The following RIMS1 variants were observed in gnomAD, a reference collection of about 807,000 sequenced individuals.
The protein encoded by RIMS1 is regulating synaptic membrane exocytosis 1.
In RIMS1, 83 loss-of-function variants were observed where a neutral mutation model predicts 214.1. The observed-to-expected ratio is 0.39, with a 90% CI of 0.32 to 0.47. The LOEUF is 0.47. Among genes scored for constraint, RIMS1 ranks in the 20% least tolerant of loss-of-function variants. The pLI, the probability that RIMS1 is intolerant of heterozygous loss-of-function variation, is 0.99. For missense variants in RIMS1, 2,050 were observed against 2,161.8 expected (o/e 0.95, Z 1.03); for synonymous variants, 793 against 786.8 (o/e 1.01, Z -0.13).
At chr6:72,087,571 T>C (rs945679321) in intron 2 of RIMS1, among the ~76,000 whole-genome samples, 1 of 152,188 alleles carries the variant, frequency 6.6e-6, no homozygotes, top group African/African-American at 2.4e-5. Flanking sequence ...AATAAGCAGA[T>C]GTCATCATTC....
At chr6:71,953,683 A>G (rs79410448) in intron 1 of RIMS1, among the ~76,000 whole-genome samples, 195 of 152,296 alleles carry the variant, frequency 1.3e-3, no homozygotes, top group African/African-American at 4.6e-3. Context: ...ATACTTACCT[A>G]TTAGAATAAC....
At chr6:72,216,600 C>T (rs1161182096) in intron 6 of RIMS1, 1 of 985,388 alleles carries the variant, frequency 1.0e-6, no homozygotes, top group Non-Finnish European at 1.2e-6. Flanking sequence ...CTTGGCAGGA[C>T]CATTGCCAGT....
At position 71,992,404 on chromosome 6, in the gene RIMS1, CTCTTTCTTTCTT is replaced by C. The variant is rs70994109; in HGVS notation, c.245+23377_245+23388del. ...TGCTTGCTTCTTTCTTTCTCTCTCTCTCTTTCTTTCTTTCTTTCTTTCTTTCTTTCTTTCTTT... is the reference window on the plus strand; with the variant it reads ...TGCTTGCTTCTTTCTTTCTCTCTCTCTCTTTCTTTCTTTCTTTCTTTCTTT... On this transcript the variant is annotated intron_variant, in intron 2 of 33. Coordinates refer to ENST00000521978, the MANE Select transcript of RIMS1 (RefSeq NM_014989.7). Among the ~76,000 whole-genome samples the C allele has an allele frequency of 3.1e-3, 339 of 110,144 alleles. 1 individual carries two copies. The highest frequency in any genetic ancestry group is 0.01 in the East Asian group (24 of 2,338). 72.3% of individuals were successfully genotyped at this position (110,144 alleles called of 152,430 possible).
At position 72,262,244 on chromosome 6, in the gene RIMS1, GCAT is replaced by G. The variant is rs1288005806; in HGVS notation, c.3116+1481_3116+1483del. 5.0e-6 allele frequency: 4 copies of G among 794,754 alleles called. No individual in the cohort carries two copies. The East Asian group carries it at 5.0e-4, about 100-fold the overall frequency. 49.2% of individuals were successfully genotyped at this position (794,754 alleles called of 1,614,324 possible). On this transcript the variant is annotated intron_variant, in intron 19 of 33. Coordinates refer to ENST00000521978, the MANE Select transcript of RIMS1 (RefSeq NM_014989.7). ...ACTTATATAATATTATATAATAGTT[GCAT>G]CATTTTATATAATCTTATACTTAAG...
intron 6 of RIMS1, among the ~76,000 whole-genome samples, chr6:72,207,926 T>C (rs1422601927): frequency 6.6e-6 from 1 of 152,212 alleles, no homozygotes; most frequent in Non-Finnish European, 1.5e-5. Context: ...ATTAGATCTG[T>C]AAGTATGTGA....
intron 2 of RIMS1, among the ~76,000 whole-genome samples, chr6:72,013,118 T>C (rs1811426838): frequency 6.6e-6 from 1 of 152,194 alleles, no homozygotes; most frequent in African/African-American, 2.4e-5. Context: ...GCACCATAAC[T>C]ATATAAACCT....
chr6:72,213,609 T>C (rs2054369099), intron 6 of RIMS1, among the ~76,000 whole-genome samples: 1 of 152,222 alleles, frequency 6.6e-6, no homozygotes, highest in Admixed American at 6.5e-5. Context: ...CATGCTTTAC[T>C]ATCTCATACA....
chr6:72,385,041 C>T (rs1353578862), intron 29 of RIMS1, among the ~76,000 whole-genome samples: 1 of 152,104 alleles, frequency 6.6e-6, no homozygotes, highest in Non-Finnish European at 1.5e-5. Flanking sequence ...TGCCCCCAGA[C>T]ATTTTGGATT....
chr6:72,098,824 T>A (rs1445267964), intron 3 of RIMS1, among the ~76,000 whole-genome samples: 1 of 152,212 alleles, frequency 6.6e-6, no homozygotes, highest in Non-Finnish European at 1.5e-5. Flanking sequence ...TCTTTTCCTC[T>A]CCTAATAGTG....
chr6:72,183,751 G>A (rs1043491008), intron 6 of RIMS1, among the ~76,000 whole-genome samples: 1 of 151,390 alleles, frequency 6.6e-6, no homozygotes, highest in African/African-American at 2.4e-5. Context: ...TGGACGAACC[G>A]GGTAGCCTGG....
At chr6:71,904,835 T>G (rs2150507512) in intron 1 of RIMS1, among the ~76,000 whole-genome samples, 1 of 152,262 alleles carries the variant, frequency 6.6e-6, no homozygotes, top group African/African-American at 2.4e-5. Context: ...CAAGTCTATC[T>G]ATAGAACACT....
At chr6:72,370,415 C>T (rs1163872823) in intron 29 of RIMS1, among the ~76,000 whole-genome samples, 1 of 152,184 alleles carries the variant, frequency 6.6e-6, no homozygotes, top group East Asian at 1.9e-4. Context: ...TTGCCTTTCT[C>T]ATCTGTCTAG....
chr6:71,914,897 A>G (rs977426404), intron 1 of RIMS1, among the ~76,000 whole-genome samples: 1 of 152,196 alleles, frequency 6.6e-6, no homozygotes, highest in Non-Finnish European at 1.5e-5. Context: ...CATGAGGGTC[A>G]TAGTCATCCT....
intron 2 of RIMS1, among the ~76,000 whole-genome samples, chr6:72,008,359 C>T (rs940809809): frequency 3.3e-5 from 5 of 152,184 alleles, no homozygotes; most frequent in Admixed American, 3.3e-4. Flanking sequence ...GTACCAGCCA[C>T]TGCAAAAACA....
chr6:71,907,153 A>C (rs535059083), intron 1 of RIMS1, among the ~76,000 whole-genome samples: 1 of 152,310 alleles, frequency 6.6e-6, no homozygotes, highest in African/African-American at 2.4e-5. Context: ...AGCACTTTGG[A>C]ATAGATTTAC....
At chr6:72,050,560 G>A (rs1824339603) in intron 2 of RIMS1, among the ~76,000 whole-genome samples, 1 of 152,112 alleles carries the variant, frequency 6.6e-6, no homozygotes, top group Admixed American at 6.5e-5. Context: ...AGGCTTTGGG[G>A]TGTGAGTGTG....
At position 72,046,849 on chromosome 6, in the gene RIMS1, A is replaced by T. The variant is rs2152116019; in HGVS notation, c.246-50100A>T. ...CATATTTATACTTCTCTGTTCTTTA[A>T]CTATAAGCTATAGTGTTATATAAAA... On this transcript the variant is annotated intron_variant, in intron 2 of 33. Transcript: ENST00000521978. Among the ~76,000 whole-genome samples, 3 of 152,240 alleles carry T rather than the reference A, an allele frequency of 2.0e-5. No individual in the cohort carries two copies. The South Asian group carries it at 6.2e-4, about 32-fold the overall frequency.
At chr6:72,281,761 G>A (rs1389399737) in intron 23 of RIMS1, among the ~76,000 whole-genome samples, 1 of 151,782 alleles carries the variant, frequency 6.6e-6, no homozygotes. Context: ...ATTTCAATAA[G>A]TCCTTTCCAA....
chr6:72,109,434 C>T (rs2035535581), intron 4 of RIMS1, among the ~76,000 whole-genome samples: 1 of 151,962 alleles, frequency 6.6e-6, no homozygotes, highest in Non-Finnish European at 1.5e-5. Context: ...TTTTGATTTG[C>T]ATTTCTCTGA....
Sources: allele counts gnomAD v4.1 joint callset (sites outside exome capture counted in the v4.1 genomes callset), GRCh38; gene constraint gnomAD v4.1.1; transcripts MANE v1.5; gene names NCBI Gene and HGNC (gene_info 2026-07-23, HGNC 2026-07-21).